The following NELL2 variants were observed in gnomAD, a reference collection of about 807,000 sequenced individuals.
The protein encoded by NELL2 is neural EGFL like 2.
Under a neutral mutation model 109.6 loss-of-function variants are expected in NELL2, and 41 were observed. The ratio of observed to expected loss-of-function variants is 0.37; its 90% confidence interval spans 0.29 to 0.49. The LOEUF is 0.49. Ranked by LOEUF, NELL2 falls within the 20% of genes least tolerant of loss-of-function variation. The pLI is 0.98. For missense variants in NELL2, 900 were observed against 1,008.3 expected, an observed-to-expected ratio of 0.89 and a Z score of 1.45; for synonymous variants, 355 against 344.7, an observed-to-expected ratio of 1.03 and a Z score of -0.33.
intron 1 of NELL2, among the ~76,000 whole-genome samples, chr12:44,909,600 A>G (rs1945756537): frequency 6.6e-6 from 1 of 151,996 alleles, no homozygotes; most frequent in African/African-American, 2.4e-5. Context: ...TAAAATTCAT[A>G]TGGAACCAAA....
intron 12 of NELL2, among the ~76,000 whole-genome samples, chr12:44,686,624 C>T (rs946019937): frequency 2.0e-5 from 3 of 151,356 alleles, no homozygotes; most frequent in African/African-American, 7.4e-5. Context: ...TGTTAGTTTT[C>T]CTTCTAACAG....
intron 15 of NELL2, among the ~76,000 whole-genome samples, chr12:44,550,371 T>C (rs1441262514): frequency 6.6e-6 from 1 of 151,126 alleles, no homozygotes; most frequent in Admixed American, 6.6e-5. Context: ...ATTATTAAAA[T>C]AGCCAAACTG....
At chr12:44,687,641 C>A (rs1948770673) in intron 12 of NELL2, among the ~76,000 whole-genome samples, 1 of 152,120 alleles carries the variant, frequency 6.6e-6, no homozygotes, top group Non-Finnish European at 1.5e-5. Context: ...ATGTTTCACT[C>A]CAAGCAAGCA....
chr12:44,789,034 C>G (rs1170566337), intron 3 of NELL2, among the ~76,000 whole-genome samples: 1 of 152,046 alleles, frequency 6.6e-6, no homozygotes, highest in Non-Finnish European at 1.5e-5. Flanking sequence ...CATGCCTAGC[C>G]CTGCCCCCAC....
At chr12:44,879,686 A>C (rs960905102), upstream of NELL2, among the ~76,000 whole-genome samples, 26 of 152,146 alleles carry the variant, frequency 1.7e-4, 1 homozygote, top group African/African-American at 6.3e-4. Flanking sequence ...CAAATTTTGG[A>C]AGCCAGAAAA....
At chr12:44,882,384 AT>A (rs1945422585) in intron 1 of NELL2, among the ~76,000 whole-genome samples, 1 of 151,552 alleles carries the variant, frequency 6.6e-6, no homozygotes, top group Non-Finnish European at 1.5e-5. Flanking sequence ...ATATACATAC[AT>A]ACGTGTATAC....
intron 9 of NELL2, among the ~76,000 whole-genome samples, chr12:44,737,566 T>C (rs937774989): frequency 3.3e-5 from 5 of 152,138 alleles, no homozygotes; most frequent in African/African-American, 9.7e-5. Context: ...TTCTTATTGC[T>C]CTGTAATAAT....
At chr12:44,748,384 A>C (rs942894573) in intron 9 of NELL2, among the ~76,000 whole-genome samples, 4 of 152,150 alleles carry the variant, frequency 2.6e-5, no homozygotes, top group South Asian at 2.1e-4. Context: ...ATCTTTATAG[A>C]CAAGGAATCG....
At chr12:44,912,865 A>G (rs527476286) in intron 1 of NELL2, among the ~76,000 whole-genome samples, 32 of 152,312 alleles carry the variant, frequency 2.1e-4, no homozygotes, top group Non-Finnish European at 4.3e-4. Context: ...TTGGTAGCCA[A>G]CCTGCCTGGG....
intron 3 of NELL2, among the ~76,000 whole-genome samples, chr12:44,799,248 G>A (rs1942745589): frequency 6.6e-6 from 1 of 151,954 alleles, no homozygotes; most frequent in Non-Finnish European, 1.5e-5. Flanking sequence ...GTGAGACACC[G>A]TGCCCGGCCC....
chr12:44,821,456 C>T (rs1169592842), intron 2 of NELL2, among the ~76,000 whole-genome samples: 2 of 152,156 alleles, frequency 1.3e-5, no homozygotes, highest in Non-Finnish European at 2.9e-5. Flanking sequence ...TATAAGATAA[C>T]ATTTTTAGTT....
At chr12:44,691,937 G>A (rs1948911456) in intron 12 of NELL2, among the ~76,000 whole-genome samples, 1 of 152,180 alleles carries the variant, frequency 6.6e-6, no homozygotes, top group Non-Finnish European at 1.5e-5. Context: ...AAAGTGGAAG[G>A]TGAACCAGCA....
At chr12:44,568,330 T>G (rs2136191986) in intron 15 of NELL2, among the ~76,000 whole-genome samples, 1 of 152,280 alleles carries the variant, frequency 6.6e-6, no homozygotes, top group East Asian at 1.9e-4. Context: ...TACTACTTAA[T>G]GACAAAAACT....
At chr12:44,564,569 T>A (rs1021069648) in intron 15 of NELL2, among the ~76,000 whole-genome samples, 4 of 152,214 alleles carry the variant, frequency 2.6e-5, no homozygotes, top group African/African-American at 4.8e-5. Context: ...AGTTGTGCCC[T>A]ATTAGACTCA....
chr12:44,532,542 G>A (rs1454304834), intron 16 of NELL2, 39 bp downstream of exon 16: 3 of 1,593,294 alleles, frequency 1.9e-6, no homozygotes, highest in Non-Finnish European at 1.7e-6. Flanking sequence ...TCAAGTTCAA[G>A]AGAAGTTCTT....
At chr12:44,610,781 G>A in intron 14 of NELL2, 67 bp downstream of exon 14, 1 of 1,598,024 alleles carries the variant, frequency 6.3e-7, no homozygotes, top group Non-Finnish European at 8.6e-7. Context: ...ATGATAAGGT[G>A]TAGAGGAAGG....
At chr12:44,519,416 C>T (rs1403083186) in intron 19 of NELL2, among the ~76,000 whole-genome samples, 1 of 152,128 alleles carries the variant, frequency 6.6e-6, no homozygotes, top group Non-Finnish European at 1.5e-5. Context: ...GCACAGAGCT[C>T]TATTTTCCAA....
At chr12:44,747,731 T>C (rs1940454546) in intron 9 of NELL2, among the ~76,000 whole-genome samples, 1 of 152,146 alleles carries the variant, frequency 6.6e-6, no homozygotes, top group Admixed American at 6.6e-5. Flanking sequence ...CAGTTTTATC[T>C]ATTACCCATG....
intron 13 of NELL2, among the ~76,000 whole-genome samples, chr12:44,644,193 TAGC>T (rs1406151473): frequency 1.3e-5 from 2 of 152,050 alleles, no homozygotes; most frequent in African/African-American, 4.8e-5. Context: ...GGCCATTATG[TAGC>T]AGCAGAAGAA....
Sources: gnomAD v4.1 joint callset for allele counts (sites outside exome capture counted in the v4.1 genomes callset) on GRCh38, gnomAD v4.1.1 for gene constraint, MANE v1.5 for transcripts, NCBI Gene and HGNC (gene_info 2026-07-23, HGNC 2026-07-21) for gene names.